The following CMTM7 variants were observed in gnomAD, a reference collection of about 807,000 sequenced individuals.
CMTM7 encodes CKLF-like MARVEL transmembrane domain-containing protein 7.
In CMTM7, 7 loss-of-function variants were observed where a neutral mutation model predicts 19.3. The observed-to-expected ratio is 0.36, with a 90% confidence interval of 0.21 to 0.68. CMTM7 has a LOEUF of 0.68. Among genes scored for constraint, CMTM7 ranks in the 30% least tolerant of loss-of-function variants. CMTM7 has a pLI of 0.60. For synonymous variants in CMTM7, 87 were observed against 99.3 expected, an observed-to-expected ratio of 0.88 and a Z score of 0.74; for missense variants, 193 against 232.6, an observed-to-expected ratio of 0.83 and a Z score of 1.11.
At chr3:32,445,090 A>G (rs1377850442) in intron 2 of CMTM7, among the ~76,000 whole-genome samples, 1 of 152,206 alleles carries the variant, frequency 6.6e-6, no homozygotes, top group Non-Finnish European at 1.5e-5. Context: ...AGTAGTTCTA[A>G]TATATTTTTC....
chr3:32,450,021 T>C (rs902325410), intron 3 of CMTM7, among the ~76,000 whole-genome samples: 1 of 152,196 alleles, frequency 6.6e-6, no homozygotes, highest in Non-Finnish European at 1.5e-5. Flanking sequence ...CCTGTATCTT[T>C]CAGAGGCAAA....
At chr3:32,407,613 G>A (rs950301805) in intron 1 of CMTM7, among the ~76,000 whole-genome samples, 1 of 152,164 alleles carries the variant, frequency 6.6e-6, no homozygotes, top group Non-Finnish European at 1.5e-5. Context: ...AGGTGAAAGA[G>A]GCAACACAGA....
In CMTM7 at chr3:32,454,443, T is replaced by G; in HGVS notation, c.*189T>G. 2 of 728,796 alleles carry G rather than the reference T, an allele frequency of 2.7e-6. No homozygotes were observed. Among genetic ancestry groups the G allele is most frequent in the Non-Finnish European group, 4.9e-6 (2 of 404,366 alleles). The allele number at this position is 728,796 out of a possible 1,614,324, so 45.1% of individuals were successfully genotyped here. A position where few individuals can be genotyped will look rare whatever the true frequency, so the allele number is the denominator to read the frequency against. ...GAGCTCCTGAGCCAGCCGGAAACTCTTCCTCCAGCCTTCCGGGGAGAACAT... is the reference window on the plus strand; with the variant it reads ...GAGCTCCTGAGCCAGCCGGAAACTCGTCCTCCAGCCTTCCGGGGAGAACAT... On this transcript the variant is annotated 3_prime_UTR_variant, in exon 5 of 5. Coordinates refer to ENST00000334983, the MANE Select transcript of CMTM7 (RefSeq NM_138410.4).
chr3:32,445,246 A>G (rs1484600490), intron 2 of CMTM7, among the ~76,000 whole-genome samples: 1 of 152,230 alleles, frequency 6.6e-6, no homozygotes, highest in Non-Finnish European at 1.5e-5. Flanking sequence ...AATTAGACAA[A>G]TATTGAATAG....
At chr3:32,436,202 T>G (rs1188664900) in intron 1 of CMTM7, among the ~76,000 whole-genome samples, 1 of 152,132 alleles carries the variant, frequency 6.6e-6, no homozygotes, top group African/African-American at 2.4e-5. Flanking sequence ...CTGGGGGGAA[T>G]AGGAGCATGG....
intron 1 of CMTM7, 129 bp from the exon 2 acceptor site, chr3:32,441,711 A>G (rs1696679300): frequency 1.3e-6 from 1 of 767,368 alleles, no homozygotes; most frequent in Admixed American, 2.4e-5. Flanking sequence ...TATGGAAATA[A>G]CCTGAATTGT....
At chr3:32,404,142 C>CTTT (rs11364371) in intron 1 of CMTM7, among the ~76,000 whole-genome samples, 1 of 109,230 alleles carries the variant, frequency 9.2e-6, no homozygotes, top group African/African-American at 4.2e-5. Context: ...TTCTTTCTTT[C>CTTT]TTTTTTTTTC....
intron 1 of CMTM7, among the ~76,000 whole-genome samples, chr3:32,404,670 A>C (rs1430083163): frequency 2.0e-5 from 3 of 152,228 alleles, no homozygotes. Context: ...CGTCTCCCAC[A>C]CTAGCCCACC....
chr3:32,426,252 A>G (rs1039957374), intron 1 of CMTM7, among the ~76,000 whole-genome samples: 1 of 152,238 alleles, frequency 6.6e-6, no homozygotes, highest in African/African-American at 2.4e-5. Context: ...AACCACAGTT[A>G]ACACACCAGG....
intron 2 of CMTM7, among the ~76,000 whole-genome samples, chr3:32,447,666 A>G (rs947078331): frequency 2.0e-5 from 3 of 151,962 alleles, no homozygotes; most frequent in Non-Finnish European, 4.4e-5. Flanking sequence ...TCAGCTTTTC[A>G]TTGTTATAAA....
At chr3:32,422,020 TG>T (rs5847763) in intron 1 of CMTM7, among the ~76,000 whole-genome samples, 49,843 of 151,980 alleles carry the variant, frequency 0.33, 8,749 homozygotes, top group South Asian at 0.4. Context: ...GTCTGACCTG[TG>T]GGGGTTGCTA....
chr3:32,410,662 A>T (rs1273723658), intron 1 of CMTM7, among the ~76,000 whole-genome samples: 1 of 152,220 alleles, frequency 6.6e-6, no homozygotes, highest in Non-Finnish European at 1.5e-5. Context: ...AGAGGCTAGG[A>T]TTCCTGTCCT....
Position 32,449,402 on chromosome 3 carries a change from G to C in CMTM7, c.334-52G>C. On this transcript the variant is annotated intron_variant, in intron 2 of 4. Coordinates refer to ENST00000334983, the MANE Select transcript of CMTM7 (RefSeq NM_138410.4). This position sits in a 1 kb window ranked among gnomAD's most constrained non-coding sequence, Gnocchi z 4.5. ...CTTCTGATGCCCAGTTGCTCTTCCC[G>C]GACCAGAAATGGACGGCCCTACCCA... 7.9e-7 allele frequency: 1 copy of C among 1,267,544 alleles called. No individual in the cohort carries two copies. Among genetic ancestry groups the C allele is most frequent in the Admixed American group, 1.7e-5 (1 of 59,560 alleles). 78.5% of individuals were successfully genotyped at this position (1,267,544 alleles called of 1,614,324 possible).
intron 1 of CMTM7, among the ~76,000 whole-genome samples, chr3:32,402,339 T>A (rs1019588541): frequency 7.9e-5 from 12 of 152,154 alleles, no homozygotes; most frequent in Non-Finnish European, 1.8e-4. Context: ...CTCGAACTCC[T>A]GACCTCAAGT....
At chr3:32,453,318 C>A (rs2125645798) in intron 4 of CMTM7, among the ~76,000 whole-genome samples, 1 of 152,210 alleles carries the variant, frequency 6.6e-6, no homozygotes, top group African/African-American at 2.4e-5. Flanking sequence ...TGTCATCACA[C>A]TACCCAGAAG....
intron 3 of CMTM7, among the ~76,000 whole-genome samples, chr3:32,450,395 TAAAA>T (rs1559416045): frequency 6.6e-6 from 1 of 152,054 alleles, no homozygotes; most frequent in Non-Finnish European, 1.5e-5. Context: ...CCCTGTGTCT[TAAAA>T]AAAGAAAAAG....
At chr3:32,406,577 A>G (rs559075495) in intron 1 of CMTM7, among the ~76,000 whole-genome samples, 5 of 152,164 alleles carry the variant, frequency 3.3e-5, no homozygotes, top group Non-Finnish European at 7.4e-5. Flanking sequence ...TCTTTAGCAT[A>G]TTAGGAACCA....
At chr3:32,420,688 G>A (rs555741135) in intron 1 of CMTM7, among the ~76,000 whole-genome samples, 11 of 152,308 alleles carry the variant, frequency 7.2e-5, no homozygotes, top group African/African-American at 2.4e-4. Flanking sequence ...ACTGAAGGGC[G>A]GTTTACCACA....
chr3:32,422,760 C>T (rs532735019), intron 1 of CMTM7, among the ~76,000 whole-genome samples: 5 of 152,324 alleles, frequency 3.3e-5, no homozygotes, highest in Admixed American at 6.5e-5. Flanking sequence ...AAGTCAAAAA[C>T]GCATTTAATA....
Sources: gnomAD v4.1 joint callset for allele counts (sites outside exome capture counted in the v4.1 genomes callset) on GRCh38, gnomAD v4.1.1 for gene constraint, Gnocchi (gnomAD v3.1) non-coding constraint, MANE v1.5 for transcripts, NCBI Gene and HGNC (gene_info 2026-07-23, HGNC 2026-07-21) for gene names.